Variants in MAPK10 observed in about 807,000 individuals in gnomAD.
The protein encoded by MAPK10 is mitogen-activated protein kinase 10.
Under a neutral mutation model 59.3 loss-of-function variants are expected in MAPK10, and 25 were observed. That is an observed-to-expected ratio of 0.42 (90% CI 0.31 to 0.59). The LOEUF (loss-of-function observed/expected upper bound fraction) is 0.59. MAPK10 is among the 20% of genes least tolerant of loss of function. MAPK10 has a pLI of 0.15. For synonymous variants in MAPK10, 190 were observed against 200.5 expected, an observed-to-expected ratio of 0.95 and a Z score of 0.44; for missense variants, 351 against 568.9, an observed-to-expected ratio of 0.62 and a Z score of 3.90.
chr4:86,106,105 A>G (rs887768009), intron 5 of MAPK10, among the ~76,000 whole-genome samples: 1 of 152,136 alleles, frequency 6.6e-6, no homozygotes, highest in African/African-American at 2.4e-5. Flanking sequence ...TACATGTCAA[A>G]TGACTGAATT....
intron 1 of MAPK10, among the ~76,000 whole-genome samples, chr4:86,558,153 GTTCTC>G (rs1471868472): frequency 6.6e-6 from 1 of 151,986 alleles, no homozygotes; most frequent in Non-Finnish European, 1.5e-5. Context: ...TCAAATTAGT[GTTCTC>G]TTCTATTAGC....
At chr4:86,520,322 CT>C (rs1434402574) in intron 1 of MAPK10, among the ~76,000 whole-genome samples, 1 of 151,962 alleles carries the variant, frequency 6.6e-6, no homozygotes, top group Non-Finnish European at 1.5e-5. Flanking sequence ...TTTGCTTTTT[CT>C]TTGTCATTGT....
intron 1 of MAPK10, among the ~76,000 whole-genome samples, chr4:86,506,034 C>A (rs1253340788): frequency 6.6e-6 from 1 of 152,076 alleles, no homozygotes; most frequent in African/African-American, 2.4e-5. Flanking sequence ...CATAATAATT[C>A]CTTAAAGAAA....
chr4:86,209,538 T>C (rs1281394229), intron 2 of MAPK10, among the ~76,000 whole-genome samples: 1 of 152,000 alleles, frequency 6.6e-6, no homozygotes, highest in Non-Finnish European at 1.5e-5. Context: ...CAGCAAACGA[T>C]GGGATAGAAG....
At chr4:86,066,634 G>A (rs2046786481) in intron 10 of MAPK10, among the ~76,000 whole-genome samples, 2 of 151,872 alleles carry the variant, frequency 1.3e-5, no homozygotes, top group South Asian at 2.1e-4. Flanking sequence ...GCGTGGTGGC[G>A]GGCGCCTGTA....
chr4:86,396,359 G>GAA (rs1178894642), intron 1 of MAPK10, among the ~76,000 whole-genome samples: 1 of 152,108 alleles, frequency 6.6e-6, no homozygotes, highest in Non-Finnish European at 1.5e-5. Context: ...AAAAAAGAAA[G>GAA]AAAGTAGCGT....
At chr4:86,425,711 G>A (rs1564845490) in intron 1 of MAPK10, among the ~76,000 whole-genome samples, 1 of 152,128 alleles carries the variant, frequency 6.6e-6, no homozygotes, top group African/African-American at 2.4e-5. Context: ...AGTGATTCAC[G>A]CCTGTAATCC....
chr4:86,072,172 C>T (rs1044535923), intron 9 of MAPK10, among the ~76,000 whole-genome samples: 3 of 151,200 alleles, frequency 2.0e-5, no homozygotes, highest in African/African-American at 2.4e-5. Context: ...TGGGAGTTCA[C>T]TCTTGATTTG....
At chr4:86,225,719 C>G (rs928142197) in intron 2 of MAPK10, among the ~76,000 whole-genome samples, 2 of 152,084 alleles carry the variant, frequency 1.3e-5, no homozygotes, top group African/African-American at 4.8e-5. Context: ...GCTTTATGCT[C>G]AATAGGTACT....
At chr4:86,387,051 G>A (rs1446260942) in intron 1 of MAPK10, among the ~76,000 whole-genome samples, 1 of 152,186 alleles carries the variant, frequency 6.6e-6, no homozygotes, top group Non-Finnish European at 1.5e-5. Flanking sequence ...AGATGGAAAT[G>A]AGTAGTTAGA....
chr4:86,089,312 C>T, intron 9 of MAPK10: 1 of 1,398,114 alleles, frequency 7.2e-7, no homozygotes, highest in Non-Finnish European at 1.0e-6. Context: ...TAAACAAGAA[C>T]ACAGGAATAG....
chr4:86,183,136 GTTT>G (rs202234999), intron 3 of MAPK10, among the ~76,000 whole-genome samples: 4 of 146,512 alleles, frequency 2.7e-5, no homozygotes, highest in Admixed American at 1.4e-4. Flanking sequence ...GTTTTGGCTG[GTTT>G]TTTTTTATTA....
chr4:86,434,418 A>G (rs757193122), intron 1 of MAPK10, among the ~76,000 whole-genome samples: 5 of 152,232 alleles, frequency 3.3e-5, no homozygotes, highest in Non-Finnish European at 5.9e-5. Flanking sequence ...AATAACAAGA[A>G]TATGTACAGA....
At chr4:86,466,990 C>T (rs796091038) in intron 1 of MAPK10, among the ~76,000 whole-genome samples, 22 of 152,364 alleles carry the variant, frequency 1.4e-4, no homozygotes, top group African/African-American at 5.0e-4. Context: ...TCTTCAGCTG[C>T]AGTCCCTGGA....
intron 4 of MAPK10, among the ~76,000 whole-genome samples, chr4:86,151,609 A>G (rs1455774837): frequency 1.3e-5 from 2 of 152,030 alleles, no homozygotes; most frequent in Admixed American, 1.3e-4. Flanking sequence ...GTCTGAAATC[A>G]CTCTTCATGG....
intron 1 of MAPK10, among the ~76,000 whole-genome samples, chr4:86,444,829 C>T (rs1302948078): frequency 6.6e-6 from 1 of 152,030 alleles, no homozygotes; most frequent in Non-Finnish European, 1.5e-5. Context: ...AGCTCAACAT[C>T]ATTGATCATT....
chr4:86,101,368 A>C, intron 7 of MAPK10, 151 bp from the exon 8 acceptor site: 1 of 540,916 alleles, frequency 1.8e-6, no homozygotes, highest in Non-Finnish European at 3.3e-6. Flanking sequence ...TACTGCTACA[A>C]ATAAGTTAAC....
At position 86,132,517 on chromosome 4, in the gene MAPK10, A is replaced by G. The variant is rs930066092; in HGVS notation, c.237-25165T>C. On this transcript the variant is annotated intron_variant, in intron 4 of 13. Transcript: ENST00000641462. ...TGAAGTCAACAAAAATTTACCTCTA[A>G]TATTTTCTGATCTTAAGTTCTATTC... is the stretch of plus-strand genomic sequence containing the variant. Among the ~76,000 whole-genome samples, 3 of 152,298 alleles carry G rather than the reference A, an allele frequency of 2.0e-5. No homozygotes were observed. The East Asian group carries it at 5.8e-4, about 29-fold the overall frequency.
At chr4:86,165,795 T>C (rs1332989597) in intron 3 of MAPK10, among the ~76,000 whole-genome samples, 3 of 152,044 alleles carry the variant, frequency 2.0e-5, no homozygotes, top group Non-Finnish European at 4.4e-5. Context: ...CCTCACACTG[T>C]TCCTTGAAGA....
Sources: allele counts gnomAD v4.1 joint callset (sites outside exome capture counted in the v4.1 genomes callset), GRCh38; gene constraint gnomAD v4.1.1; transcripts MANE v1.5; gene names NCBI Gene and HGNC (gene_info 2026-07-23, HGNC 2026-07-21).